The following WDR70 variants were observed in gnomAD, a reference collection of about 807,000 sequenced individuals.
The protein encoded by WDR70 is WD repeat-containing protein 70.
WDR70 carries 53 observed loss-of-function variants against 88.6 expected under a neutral mutation model. The ratio of observed to expected loss-of-function variants is 0.60; its 90% CI spans 0.48 to 0.75. WDR70 has a LOEUF of 0.75. Ranked by LOEUF, WDR70 falls within the 30% of genes least tolerant of loss-of-function variation. The pLI, the probability that WDR70 is intolerant of heterozygous loss-of-function variation, is 0.00. For missense variants in WDR70, 610 were observed against 823.2 expected, an observed-to-expected ratio of 0.74 and a Z score of 3.17; for synonymous variants, 280 against 270.0, an observed-to-expected ratio of 1.04 and a Z score of -0.36.
intron 10 of WDR70, among the ~76,000 whole-genome samples, chr5:37,622,752 G>T (rs1744548054): frequency 6.6e-6 from 1 of 151,686 alleles, no homozygotes; most frequent in East Asian, 1.9e-4. Flanking sequence ...GGGGTGGGGG[G>T]AGCGGGGAGG....
At chr5:37,570,119 G>A (rs954420559) in intron 9 of WDR70, among the ~76,000 whole-genome samples, 3 of 152,094 alleles carry the variant, frequency 2.0e-5, no homozygotes, top group Non-Finnish European at 4.4e-5. Context: ...TACTAGAGGC[G>A]ATGGGACCAT....
chr5:37,518,937 T>G (rs1028922272), intron 9 of WDR70, among the ~76,000 whole-genome samples: 1 of 152,132 alleles, frequency 6.6e-6, no homozygotes, highest in African/African-American at 2.4e-5. Context: ...AAGCATATCT[T>G]GCACCACCCT....
intron 5 of WDR70, among the ~76,000 whole-genome samples, chr5:37,425,378 G>C (rs1750091631): frequency 6.6e-6 from 1 of 152,250 alleles, no homozygotes; most frequent in East Asian, 1.9e-4. Flanking sequence ...ATTTAAAATA[G>C]GGCGGTCAAG....
intron 9 of WDR70, among the ~76,000 whole-genome samples, chr5:37,537,694 A>G (rs1338919235): frequency 6.6e-6 from 1 of 152,200 alleles, no homozygotes; most frequent in Non-Finnish European, 1.5e-5. Context: ...CAGGATAAAC[A>G]AAGTAAAATT....
At chr5:37,693,328 A>G (rs1746868100) in intron 10 of WDR70, among the ~76,000 whole-genome samples, 1 of 152,210 alleles carries the variant, frequency 6.6e-6, no homozygotes, top group Admixed American at 6.5e-5. Flanking sequence ...TCAAGTTACC[A>G]ATGACTTTCT....
At chr5:37,414,840 G>C (rs1330656259) in intron 5 of WDR70, among the ~76,000 whole-genome samples, 3 of 149,476 alleles carry the variant, frequency 2.0e-5, no homozygotes, top group South Asian at 4.2e-4. Context: ...AGGGGGATTT[G>C]GCAGGGTCAT....
At chr5:37,449,136 G>T (rs1738586514) in intron 7 of WDR70, among the ~76,000 whole-genome samples, 1 of 152,242 alleles carries the variant, frequency 6.6e-6, no homozygotes. Context: ...TTCCTGGAGT[G>T]AGTAGTATTT....
At chr5:37,445,460 G>GA (rs1738433698) in intron 7 of WDR70, among the ~76,000 whole-genome samples, 1 of 151,470 alleles carries the variant, frequency 6.6e-6, no homozygotes, top group South Asian at 2.1e-4. Context: ...TCTTCTTAAA[G>GA]AAAAACTTTT....
intron 2 of WDR70, among the ~76,000 whole-genome samples, chr5:37,380,594 G>A (rs916246864): frequency 1.1e-4 from 17 of 151,790 alleles, no homozygotes; most frequent in African/African-American, 3.2e-4. Context: ...CGCCCGTCTC[G>A]GCCTCCGAAA....
intron 9 of WDR70, among the ~76,000 whole-genome samples, chr5:37,527,575 A>G (rs1272039195): frequency 6.6e-6 from 1 of 152,234 alleles, no homozygotes; most frequent in Non-Finnish European, 1.5e-5. Flanking sequence ...AGGCATGGGC[A>G]AGGACTTATG....
At chr5:37,724,833 T>C (rs79287303) in intron 15 of WDR70, 101 bp from the exon 16 acceptor site, 1 of 298,804 alleles carries the variant, frequency 3.3e-6, no homozygotes, top group Non-Finnish European at 6.2e-6. Flanking sequence ...AGACTGTCAT[T>C]ATGACTTCCA....
intron 8 of WDR70, among the ~76,000 whole-genome samples, chr5:37,486,036 A>G (rs1300888325): frequency 6.6e-6 from 1 of 151,914 alleles, no homozygotes; most frequent in Non-Finnish European, 1.5e-5. Context: ...TTAAATAAGC[A>G]CACATACAAC....
At chr5:37,612,117 A>G (rs924876418) in intron 10 of WDR70, among the ~76,000 whole-genome samples, 1 of 152,164 alleles carries the variant, frequency 6.6e-6, no homozygotes. Flanking sequence ...GTAGTTGTAG[A>G]CAAAAAGAAC....
intron 9 of WDR70, among the ~76,000 whole-genome samples, chr5:37,557,962 G>GAAAACTCTTCAAAAGAGTAATTTT (rs1742362126): frequency 3.5e-4 from 1 of 2,880 alleles, no homozygotes; most frequent in Admixed American, 3.3e-3. Flanking sequence ...AGAGTATTAT[G>GAAAACTCTTCAAAAGAGTAATTTT]TATATTTATT....
chr5:37,622,508 A>G (rs1207801977), intron 10 of WDR70, among the ~76,000 whole-genome samples: 1 of 152,290 alleles, frequency 6.6e-6, no homozygotes, highest in Admixed American at 6.5e-5. Flanking sequence ...TCCAACAATG[A>G]TAGACTAGAT....
At chr5:37,589,406 G>T (rs1743463458) in intron 9 of WDR70, among the ~76,000 whole-genome samples, 1 of 151,928 alleles carries the variant, frequency 6.6e-6, no homozygotes, top group African/African-American at 2.4e-5. Flanking sequence ...TTTTAAGTTG[G>T]TGAACATTTG....
At chr5:37,429,875 TAC>T (rs925559061) in intron 5 of WDR70, among the ~76,000 whole-genome samples, 1 of 152,216 alleles carries the variant, frequency 6.6e-6, no homozygotes, top group African/African-American at 2.4e-5. Flanking sequence ...TGTAAATTTG[TAC>T]AGAACTGCCT....
intron 7 of WDR70, among the ~76,000 whole-genome samples, chr5:37,461,945 A>G (rs922881625): frequency 5.9e-5 from 9 of 152,088 alleles, no homozygotes; most frequent in South Asian, 2.1e-4. Flanking sequence ...CGAACCACCC[A>G]TGGACTTCAT....
intron 7 of WDR70, among the ~76,000 whole-genome samples, chr5:37,449,740 T>TTTATTATTATTATTA (rs549584987): frequency 6.6e-6 from 1 of 151,988 alleles, no homozygotes; most frequent in Non-Finnish European, 1.5e-5. Context: ...ATCTAGGTTC[T>TTTATTATTATTATTA]TTATTATTAT....
Sources: gnomAD v4.1 joint callset for allele counts (sites outside exome capture counted in the v4.1 genomes callset) on GRCh38, gnomAD v4.1.1 for gene constraint, MANE v1.5 for transcripts, NCBI Gene and HGNC (gene_info 2026-07-23, HGNC 2026-07-21) for gene names.